The following P4HA3 variants were observed in gnomAD, a reference collection of about 807,000 sequenced individuals.
P4HA3 encodes the protein prolyl 4-hydroxylase subunit alpha 3.
P4HA3 carries 60 observed loss-of-function variants against 66.7 expected under a neutral mutation model. The observed-to-expected ratio is 0.90, with a 90% CI of 0.73 to 1.12. P4HA3 has a LOEUF of 1.12. P4HA3 is among the 50% of genes most tolerant of loss of function. The pLI, the probability that P4HA3 is intolerant of heterozygous loss-of-function variation, is 0.00. For synonymous variants in P4HA3, 263 were observed against 274.6 expected (o/e 0.96, Z 0.42); for missense variants, 683 against 685.8 (o/e 1.00, Z 0.05).
intron 4 of P4HA3, among the ~76,000 whole-genome samples, chr11:74,297,532 G>T (rs1303059487): frequency 6.6e-6 from 1 of 152,212 alleles, no homozygotes; most frequent in Non-Finnish European, 1.5e-5. Context: ...AATGGGGTTA[G>T]CTATACAAAA....
At chr11:74,283,928 A>T (rs1303795207) in intron 7 of P4HA3, among the ~76,000 whole-genome samples, 1 of 152,222 alleles carries the variant, frequency 6.6e-6, no homozygotes, top group Non-Finnish European at 1.5e-5. Flanking sequence ...CATGTATCAT[A>T]GTGTAGTGTA....
chr11:74,304,126 T>G, intron 2 of P4HA3, 144 bp downstream of exon 2: 3 of 1,075,528 alleles, frequency 2.8e-6, no homozygotes, highest in Non-Finnish European at 4.0e-6. Context: ...CCTAATTCTT[T>G]GTGCTAGCTA....
chr11:74,271,510 C>T (rs905913898), intron 10 of P4HA3, among the ~76,000 whole-genome samples: 1 of 151,982 alleles, frequency 6.6e-6, no homozygotes, highest in Admixed American at 6.6e-5. Flanking sequence ...ATACCTTCTA[C>T]TATTTTGTAC....
chr11:74,262,357 G>T (rs1859921050), downstream of P4HA3, among the ~76,000 whole-genome samples: 4 of 152,166 alleles, frequency 2.6e-5, no homozygotes, highest in African/African-American at 9.7e-5. Flanking sequence ...GAGGGGTCCT[G>T]TGACCAATGA....
intron 15 of P4HA3, among the ~76,000 whole-genome samples, chr11:74,256,290 C>T (rs1356569489): frequency 6.6e-6 from 1 of 152,174 alleles, no homozygotes; most frequent in African/African-American, 2.4e-5. Flanking sequence ...ACCCTCTTTA[C>T]ACTTGATGGA....
Position 74,266,949 on chromosome 11 carries a change from A to G in P4HA3, c.*299T>C. The G allele has an allele frequency of 1.5e-6, 2 of 1,363,490 alleles. No homozygotes were observed. Among genetic ancestry groups the G allele is most frequent in the African/African-American group, 2.9e-5 (2 of 68,442 alleles). 84.5% of individuals were successfully genotyped at this position (1,363,490 alleles called of 1,614,324 possible). A position where few individuals can be genotyped will look rare whatever the true frequency, so the allele number is the denominator to read the frequency against. On this transcript the variant is annotated 3_prime_UTR_variant, in exon 13 of 13. Transcript: ENST00000331597. ...ACTGATCGAACCTGAGACTGTTGAG[A>G]TGTCCTGTTCCCAACAGAGAGTATC...
intron 1 of P4HA3, 76 bp downstream of exon 1, chr11:74,311,336 A>G (rs1476236573): frequency 2.9e-6 from 4 of 1,382,094 alleles, no homozygotes; most frequent in African/African-American, 1.5e-5. Flanking sequence ...GTCACACTCA[A>G]CCTGAGTCAC....
chr11:74,301,285 A>G (rs1326674281), intron 3 of P4HA3, among the ~76,000 whole-genome samples: 1 of 152,188 alleles, frequency 6.6e-6, no homozygotes, highest in African/African-American at 2.4e-5. Flanking sequence ...GTGAATAAAT[A>G]TAGAAAGAAA....
intron 4 of P4HA3, among the ~76,000 whole-genome samples, chr11:74,294,555 T>A (rs1375092843): frequency 6.6e-6 from 1 of 152,178 alleles, no homozygotes; most frequent in Non-Finnish European, 1.5e-5. Context: ...TTCTGCTCTG[T>A]TTTTTCCCCA....
intron 1 of P4HA3, among the ~76,000 whole-genome samples, chr11:74,310,229 A>T (rs1861692584): frequency 6.6e-6 from 1 of 152,234 alleles, no homozygotes; most frequent in Admixed American, 6.5e-5. Flanking sequence ...GGTATCATAT[A>T]CAATCATTTA....
intron 4 of P4HA3, among the ~76,000 whole-genome samples, chr11:74,292,592 C>A (rs550624517): frequency 3.8e-4 from 58 of 152,134 alleles, no homozygotes; most frequent in African/African-American, 1.2e-3. Flanking sequence ...TAGTGCTATA[C>A]ATTTCCCTCT....
At chr11:74,284,162 T>C (rs910618233) in intron 7 of P4HA3, among the ~76,000 whole-genome samples, 2 of 152,216 alleles carry the variant, frequency 1.3e-5, no homozygotes, top group Non-Finnish European at 2.9e-5. Context: ...GGCAACATGC[T>C]TATAGAGGTG....
chr11:74,258,555 CA>C (rs1859862001), intron 15 of P4HA3, among the ~76,000 whole-genome samples: 1 of 152,130 alleles, frequency 6.6e-6, no homozygotes, highest in African/African-American at 2.4e-5. Flanking sequence ...GAGGGTCTGA[CA>C]AGGAAAGTGA....
Position 74,277,064 on chromosome 11 carries a change from C to T in P4HA3, c.1256G>A (p.Arg419Gln), listed in dbSNP as rs757444094. 15 of 1,614,064 alleles carry T rather than the reference C, an allele frequency of 9.3e-6. 1 individual carries two copies. The highest frequency in any genetic ancestry group is 5.5e-5 in the South Asian group (5 of 91,070). ...CTGCAGATACTCTGCATAGGGAGGC[C>T]GGACATCAAGGCCTGTGAGGGCAGC... ...RIAALTGLDV[R>Q]PPYAEYLQVV... The change falls in exon 9 of 13, where the codon CGG becomes CAG. Residue 419 changes from arginine (R) to glutamine (Q), a missense_variant. Arg to Gln is a conservative substitution (Grantham distance 43, BLOSUM62 1). Coordinates refer to ENST00000331597, the MANE Select transcript of P4HA3 (RefSeq NM_182904.5).
chr11:74,290,601 C>A (rs1860981217), intron 4 of P4HA3, among the ~76,000 whole-genome samples: 1 of 151,610 alleles, frequency 6.6e-6, no homozygotes, highest in African/African-American at 2.4e-5. Context: ...GTCTTTAATC[C>A]ATCTTGAATT....
chr11:74,295,907 C>T (rs1424337336), intron 4 of P4HA3, among the ~76,000 whole-genome samples: 1 of 152,128 alleles, frequency 6.6e-6, no homozygotes, highest in African/African-American at 2.4e-5. Flanking sequence ...TCAAACTCTT[C>T]GTGAGATGAA....
downstream of P4HA3, among the ~76,000 whole-genome samples, chr11:74,266,480 C>T (rs1406869287): frequency 3.9e-5 from 6 of 152,112 alleles, no homozygotes; most frequent in African/African-American, 1.4e-4. Context: ...CAATCTATTG[C>T]ATCTGTACTG....
At chr11:74,309,114 A>G (rs1341438720) in intron 1 of P4HA3, among the ~76,000 whole-genome samples, 1 of 152,222 alleles carries the variant, frequency 6.6e-6, no homozygotes, top group East Asian at 1.9e-4. Flanking sequence ...ATAGCATAGT[A>G]GGAAAAAAGT....
chr11:74,268,115 C>T (rs758928210), intron 12 of P4HA3, 30 bp downstream of exon 12: 2 of 1,585,398 alleles, frequency 1.3e-6, no homozygotes, highest in Non-Finnish European at 8.7e-7. Flanking sequence ...CCCTGTACCC[C>T]CTTCTCATGC....
Sources: allele counts gnomAD v4.1 joint callset (sites outside exome capture counted in the v4.1 genomes callset), GRCh38; gene constraint gnomAD v4.1.1; transcripts MANE v1.5; gene names NCBI Gene and HGNC (gene_info 2026-07-23, HGNC 2026-07-21).